The following CGRRF1 variants were observed in gnomAD, a reference collection of about 807,000 sequenced individuals.
CGRRF1 encodes cell growth regulator with ring finger domain 1, also known as cell growth regulator with RING finger domain protein 1.
Under a neutral mutation model 37.2 loss-of-function variants are expected in CGRRF1, and 32 were observed. That is an observed-to-expected ratio of 0.86 (90% CI 0.65 to 1.16). The LOEUF is 1.16. Among genes scored for constraint, CGRRF1 ranks in the 50% most tolerant of loss-of-function variants. The pLI is 0.00. For missense variants in CGRRF1, 391 were observed against 382.6 expected, an observed-to-expected ratio of 1.02 and a Z score of -0.18; for synonymous variants, 141 against 140.3, an observed-to-expected ratio of 1.00 and a Z score of -0.04.
Position 54,537,707 on chromosome 14 carries a change from C to A in CGRRF1, c.571-15C>A. On this transcript the variant is annotated splice_polypyrimidine_tract_variant and intron_variant, in intron 4 of 5. Coordinates refer to ENST00000216420, the MANE Select transcript of CGRRF1 (RefSeq NM_006568.3). ...AAGATTTTAAGTACTGACCAGTGTTCAATTTTTATTTTAGATTTCCATGGT... is the reference window on the plus strand; with the variant it reads ...AAGATTTTAAGTACTGACCAGTGTTAAATTTTTATTTTAGATTTCCATGGT... 1 of 1,537,120 alleles carries A rather than the reference C, an allele frequency of 6.5e-7. No homozygotes were observed. The highest frequency in any genetic ancestry group is 2.4e-5 in the East Asian group (1 of 42,150).
In CGRRF1 at chr14:54,539,042, AT is replaced by A. The variant is rs1375144185; in HGVS notation, c.*665del. 1 of 152,182 alleles carries A rather than the reference AT, an allele frequency of 6.6e-6. No individual in the cohort carries two copies. Among genetic ancestry groups the A allele is most frequent in the Non-Finnish European group, 1.5e-5 (1 of 68,036 alleles). The allele number at this position is 152,182 out of a possible 1,614,324, so 9.4% of individuals were successfully genotyped here. Reference sequence around the variant, plus strand: ...AGATATATAAAATTCGGATAATAAGATTTTTTGGATAATTAAATTTATTAAA... The same window carrying A: ...AGATATATAAAATTCGGATAATAAGATTTTTGGATAATTAAATTTATTAAA... On this transcript the variant is annotated 3_prime_UTR_variant, in exon 6 of 6. Transcript: ENST00000216420.
At chr14:54,522,354 A>G in intron 1 of CGRRF1, 100 bp from the exon 2 acceptor site, 1 of 810,022 alleles carries the variant, frequency 1.2e-6, no homozygotes, top group Non-Finnish European at 1.8e-6. Flanking sequence ...TCTGACACTT[A>G]ATGCTAAAAG....
At chr14:54,527,424 C>T (rs2032431320) in intron 2 of CGRRF1, among the ~76,000 whole-genome samples, 1 of 151,946 alleles carries the variant, frequency 6.6e-6, no homozygotes, top group Non-Finnish European at 1.5e-5. Context: ...AGCAAACCTG[C>T]ACATTGTGCA....
intron 1 of CGRRF1, among the ~76,000 whole-genome samples, chr14:54,515,942 T>C (rs2032208052): frequency 6.6e-6 from 1 of 152,204 alleles, no homozygotes; most frequent in Non-Finnish European, 1.5e-5. Context: ...TTAGATTTAA[T>C]TCCACCATCT....
At chr14:54,526,620 G>A (rs1174513589) in intron 2 of CGRRF1, among the ~76,000 whole-genome samples, 1 of 152,056 alleles carries the variant, frequency 6.6e-6, no homozygotes, top group Non-Finnish European at 1.5e-5. Context: ...AGTCTTTAAT[G>A]AAATTGAAAG....
At position 54,530,201 on chromosome 14, in the gene CGRRF1, G is replaced by A. The variant is rs1193544391; in HGVS notation, c.397G>A (p.Glu133Lys). 1 of 1,608,216 alleles carries A rather than the reference G, an allele frequency of 6.2e-7. No homozygotes were observed. The highest frequency in any genetic ancestry group is 1.7e-5 in the Admixed American group (1 of 59,884). ...AGCATTAGAAGATGCTCTGTATAGT[G>A]AATATCTCTATCAGGAACAGTATTT... ...PQALEDALYS[E>K]YLYQEQYFIK... The change falls in exon 3 of 6, where the codon GAA (glutamate) becomes AAA (lysine). Residue 133 changes from glutamate (E) to lysine (K), a missense_variant. Coordinates refer to ENST00000216420, the MANE Select transcript of CGRRF1 (RefSeq NM_006568.3).
At chr14:54,514,676 T>G (rs982712897) in intron 1 of CGRRF1, among the ~76,000 whole-genome samples, 30 of 152,218 alleles carry the variant, frequency 2.0e-4, no homozygotes, top group Non-Finnish European at 4.4e-5. Context: ...AGCTCCCACT[T>G]ATAAGTGAGA....
chr14:54,532,972 GGTTCT>G (rs898506524), intron 4 of CGRRF1, among the ~76,000 whole-genome samples: 2 of 151,924 alleles, frequency 1.3e-5, no homozygotes, highest in Non-Finnish European at 2.9e-5. Context: ...GAGTTTCTTG[GGTTCT>G]GTTCTCCTTT....
rs962429587 is a variant in CGRRF1, at chr14:54,538,110, C to G, written c.726C>G (p.Ser242=). 1.2e-6 allele frequency: 2 copies of G among 1,613,720 alleles called. No individual in the cohort carries two copies. Among genetic ancestry groups the G allele is most frequent in the African/African-American group, 2.7e-5 (2 of 74,846 alleles). The change falls in exon 6 of 6, where the codon TCC becomes TCG. Residue 242 remains serine (S), a synonymous_variant. Coordinates refer to ENST00000216420, the MANE Select transcript of CGRRF1 (RefSeq NM_006568.3). The stretch of plus-strand genomic sequence containing the variant: ...ATAATTTCACTCCCTCCAACAATTC[C>G]TCTTCAGAAGAAAAAAACACAGACA... ...ANNNFTPSNN[S]SSEEKNTDRS... is the part of the protein sequence containing the mutation.
chr14:54,536,199 C>T (rs2032599272), intron 4 of CGRRF1: 1 of 151,578 alleles, frequency 6.6e-6, no homozygotes, highest in African/African-American at 2.4e-5. Context: ...GTACTTTGCT[C>T]TTTTTCATTT....
intron 4 of CGRRF1, 178 bp downstream of exon 4, chr14:54,531,228 T>A: frequency 1.8e-6 from 1 of 553,080 alleles, no homozygotes; most frequent in Non-Finnish European, 3.2e-6. Context: ...TATGACTCAT[T>A]TCTTGCCTTA....
chr14:54,513,879 T>G (rs1470541867), intron 1 of CGRRF1, among the ~76,000 whole-genome samples: 1 of 152,196 alleles, frequency 6.6e-6, no homozygotes. Flanking sequence ...TAGAATTACC[T>G]AGCCTTTGTC....
At chr14:54,514,855 G>C (rs774733810) in intron 1 of CGRRF1, among the ~76,000 whole-genome samples, 1 of 151,868 alleles carries the variant, frequency 6.6e-6, no homozygotes, top group Non-Finnish European at 1.5e-5. Flanking sequence ...TTTTTTTCTT[G>C]ACCTCTAAGT....
Position 54,530,222 on chromosome 14 carries a change from T to C in CGRRF1, c.418T>C (p.Tyr140His), listed in dbSNP as rs753574634. Residue 140 changes from tyrosine (Y) to histidine (H), a missense_variant, in exon 3 of 6, where the codon TAT (tyrosine) becomes CAT (histidine). By Grantham distance (83) the Tyr-to-His change is moderately conservative. Transcript: ENST00000216420. ...TAGTGAATATCTCTATCAGGAACAG[T>C]ATTTGTATCCTTTCGTCTGATATAC... ...LYSEYLYQEQ[Y>H]FIKKDSKEEI... 7 of 1,596,368 alleles carry C rather than the reference T, an allele frequency of 4.4e-6. No individual in the cohort carries two copies. In the South Asian group the frequency reaches 7.7e-5, roughly 18 times the overall value.
At position 54,539,059 on chromosome 14, in the gene CGRRF1, A is replaced by G. The variant is rs2032649742; in HGVS notation, c.*676A>G. 1.3e-5 allele frequency: 2 copies of G among 152,202 alleles called. No homozygotes were observed. 9.4% of individuals were successfully genotyped at this position (152,202 alleles called of 1,614,324 possible). A position where few individuals can be genotyped will look rare whatever the true frequency, so the allele number is the denominator to read the frequency against. On this transcript the variant is annotated 3_prime_UTR_variant, in exon 6 of 6. Transcript: ENST00000216420. ...ATAATAAGATTTTTTGGATAATTAAATTTATTAAATTGATAGTCAAGTGTG... is the reference window on the plus strand; with the variant it reads ...ATAATAAGATTTTTTGGATAATTAAGTTTATTAAATTGATAGTCAAGTGTG...
chr14:54,513,064 A>G (rs1256171960), intron 1 of CGRRF1, among the ~76,000 whole-genome samples: 1 of 152,228 alleles, frequency 6.6e-6, no homozygotes, highest in Non-Finnish European at 1.5e-5. Context: ...TTAAAAATCA[A>G]GTCCAATCTC....
chr14:54,534,685 A>T (rs1434864260), intron 4 of CGRRF1, among the ~76,000 whole-genome samples: 2 of 152,122 alleles, frequency 1.3e-5, no homozygotes, highest in Non-Finnish European at 2.9e-5. Flanking sequence ...TGTCCTTTGC[A>T]TTATTGTTCT....
At chr14:54,528,192 G>T (rs2032446003) in intron 2 of CGRRF1, among the ~76,000 whole-genome samples, 1 of 144,188 alleles carries the variant, frequency 6.9e-6, no homozygotes, top group African/African-American at 2.6e-5. Context: ...CAGATACTCT[G>T]ATATACCTCA....
chr14:54,535,551 G>A (rs977679830), intron 4 of CGRRF1, among the ~76,000 whole-genome samples: 2 of 152,206 alleles, frequency 1.3e-5, no homozygotes, highest in South Asian at 2.1e-4. Context: ...AATTGGTCAT[G>A]TTAATTTTGA....
Sources: gnomAD v4.1 joint callset for allele counts (sites outside exome capture counted in the v4.1 genomes callset) on GRCh38, gnomAD v4.1.1 for gene constraint, MANE v1.5 for transcripts, NCBI Gene and HGNC (gene_info 2026-07-23, HGNC 2026-07-21) for gene names.